SPEG: variants seen among roughly 807,000 people sequenced by gnomAD.
SPEG encodes striated muscle enriched protein kinase, also known as striated muscle preferentially expressed protein kinase.
A neutral mutation model predicts 300.4 loss-of-function variants in SPEG; 114 were observed. The observed-to-expected ratio is 0.38, with a 90% CI of 0.33 to 0.44. The LOEUF (loss-of-function observed/expected upper bound fraction) is 0.44. Ranked by LOEUF, SPEG falls within the 20% of genes least tolerant of loss-of-function variation. The probability of loss-of-function intolerance (pLI) is 1.00; values close to 1 mark genes in which losing one functional copy is unlikely to be tolerated. For missense variants in SPEG, 4,201 were observed against 4,586.2 expected, an observed-to-expected ratio of 0.92 and a Z score of 2.43; for synonymous variants, 1,964 against 2,018.9, an observed-to-expected ratio of 0.97 and a Z score of 0.73.
chr2:219,474,933 C>T (rs1186856048), intron 18 of SPEG, among the ~76,000 whole-genome samples: 1 of 151,678 alleles, frequency 6.6e-6, no homozygotes, highest in East Asian at 1.9e-4. Flanking sequence ...CAGGCTTGCA[C>T]AACCACGCCC....
In SPEG at chr2:219,445,279, T is replaced by C. The variant is rs1689196429; in HGVS notation, c.815+118T>C. 8.0e-6 allele frequency: 8 copies of C among 996,236 alleles called. No homozygotes were observed. The South Asian group carries it at 1.2e-4, about 15-fold the overall frequency. The allele number at this position is 996,236 out of a possible 1,614,324, so 61.7% of individuals were successfully genotyped here. On this transcript the variant is annotated intron_variant, in intron 3 of 40. Coordinates refer to ENST00000312358, the MANE Select transcript of SPEG (RefSeq NM_005876.5). The surrounding 1 kb of genome is among the most constrained non-coding windows in gnomAD (Gnocchi z 6.1). ...CTGCCCCATCCATCTCTCTGTGCAT[T>C]TCTTCACCCCCTGCTGCCACTCCAT...
intron 36 of SPEG, among the ~76,000 whole-genome samples, chr2:219,490,144 G>A (rs995677119): frequency 2.0e-5 from 3 of 152,248 alleles, no homozygotes; most frequent in African/African-American, 7.2e-5. Flanking sequence ...TCACAACTCT[G>A]AGAGACACTG....
At chr2:219,478,224 G>A in intron 22 of SPEG, 119 bp downstream of exon 22, 1 of 832,314 alleles carries the variant, frequency 1.2e-6, no homozygotes, top group Non-Finnish European at 1.9e-6. Context: ...AATTGGGAGG[G>A]ATACATCTGG....
intron 1 of SPEG, among the ~76,000 whole-genome samples, chr2:219,440,370 AGAGT>A (rs1954829091): frequency 6.6e-6 from 1 of 152,108 alleles, no homozygotes; most frequent in Non-Finnish European, 1.5e-5. Context: ...CCTGGACAAC[AGAGT>A]GAGACCTAGT....
chr2:219,480,905 T>G lies in SPEG; in HGVS notation c.5369+208T>G, dbSNP rs1025652275. Among the ~76,000 whole-genome samples, 2 of 151,468 alleles carry G rather than the reference T, an allele frequency of 1.3e-5. No homozygotes were observed. The highest frequency in any genetic ancestry group is 1.3e-4 in the Admixed American group (2 of 15,160). On this transcript the variant is annotated intron_variant, in intron 26 of 40. Coordinates refer to ENST00000312358, the MANE Select transcript of SPEG (RefSeq NM_005876.5). This position sits in a 1 kb window ranked among gnomAD's most constrained non-coding sequence, Gnocchi z 5.3. Reference sequence around the variant, plus strand: ...CTCCATAAGAGGTGGGCACCCTAGATGGAGAGAGCCCAGCGCAGGCTCAGG... The same window carrying G: ...CTCCATAAGAGGTGGGCACCCTAGAGGGAGAGAGCCCAGCGCAGGCTCAGG...
intron 1 of SPEG, among the ~76,000 whole-genome samples, chr2:219,438,750 C>T (rs1341578293): frequency 6.6e-6 from 1 of 152,142 alleles, no homozygotes; most frequent in East Asian, 1.9e-4. Context: ...TAGCTAGGGT[C>T]TGGAAGATTC....
chr2:219,468,273 G>A (rs897707020), intron 10 of SPEG, among the ~76,000 whole-genome samples: 4 of 151,090 alleles, frequency 2.6e-5, no homozygotes, highest in African/African-American at 4.9e-5. Context: ...GCTGGGCTGT[G>A]CTTCATCCAG....
chr2:219,448,751 C>T lies in SPEG; in HGVS notation c.1593C>T (p.Gly531=). The T allele has an allele frequency of 1.4e-6, 2 of 1,469,206 alleles. No homozygotes were observed. Among genetic ancestry groups the T allele is most frequent in the Non-Finnish European group, 9.0e-7 (1 of 1,116,958 alleles). The allele number at this position is 1,469,206 out of a possible 1,614,324, so 91.0% of individuals were successfully genotyped here. Residue 531 remains glycine, a synonymous_variant, in exon 4 of 41, where the codon GGC becomes GGT. Transcript: ENST00000312358. ...LQRAPSPREP[G]EPPLFSRPST... Reference sequence around the variant, plus strand: ...GTGCCCCATCCCCTCGAGAGCCCGGCGAGCCCCCGCTCTTCTCTCGGCCCT... The same window carrying T: ...GTGCCCCATCCCCTCGAGAGCCCGGTGAGCCCCCGCTCTTCTCTCGGCCCT...
intron 37 of SPEG, 22 bp downstream of exon 37, chr2:219,490,670 G>GT: frequency 1.2e-6 from 2 of 1,609,698 alleles, no homozygotes; most frequent in Middle Eastern, 3.3e-4. Flanking sequence ...TTCTAGGGGA[G>GT]TAGGGAGGAA....
rs1354098379 is a variant in SPEG, at chr2:219,448,114, G to A, written c.956G>A (p.Arg319Gln). 2.5e-6 allele frequency: 4 copies of A among 1,601,922 alleles called. No individual in the cohort carries two copies. The highest frequency in any genetic ancestry group is 1.3e-5 in the African/African-American group (1 of 74,572). The change falls in exon 4 of 41, where the codon CGG (arginine) becomes CAG (glutamine). Residue 319 changes from arginine to glutamine, a missense_variant. Around this residue, in one of 4 missense-constraint regions of SPEG, gnomAD observed 1,258 missense variants for 1,293.9 expected, o/e 0.97. Coordinates refer to ENST00000312358, the MANE Select transcript of SPEG (RefSeq NM_005876.5). ...LPPPSPRVGK[R>Q]SPPGPPAQPA... Reference sequence around the variant, plus strand: ...CCACCGTCCCCTCGGGTCGGGAAGCGGTCCCCGCCGGGACCCCCGGCCCAG... The same window carrying A: ...CCACCGTCCCCTCGGGTCGGGAAGCAGTCCCCGCCGGGACCCCCGGCCCAG...
rs763482593 is a variant in SPEG at position 219,484,642 on chromosome 2, G to A, written c.7179G>A (p.Ser2393=). Residue 2393 remains serine (S), a synonymous_variant, in exon 30 of 41, where the codon TCG becomes TCA. Transcript: ENST00000312358. ...ELVRRPERSR[S]VQDLRAVGEP... ...TGCGACGGCCTGAGCGCTCACGCTC[G>A]GTGCAGGACCTCAGGGCTGTCGGAG... 6.5e-7 allele frequency: 1 copy of A among 1,537,112 alleles called. No individual in the cohort carries two copies. The highest frequency in any genetic ancestry group is 1.4e-5 in the African/African-American group (1 of 72,780).
chr2:219,460,350 CG>C (rs1690557435), intron 6 of SPEG: 5 of 985,402 alleles, frequency 5.1e-6, no homozygotes, highest in Non-Finnish European at 6.0e-6. Flanking sequence ...ATTTGAGGCT[CG>C]TTAGCGCATT....
chr2:219,435,175 G>T lies in SPEG; in HGVS notation c.198G>T (p.Val66=). 1 of 1,478,248 alleles carries T rather than the reference G, an allele frequency of 6.8e-7. No homozygotes were observed. Among genetic ancestry groups the T allele is most frequent in the South Asian group, 1.3e-5 (1 of 76,998 alleles). 91.6% of individuals were successfully genotyped at this position (1,478,248 alleles called of 1,614,324 possible). A position where few individuals can be genotyped will look rare whatever the true frequency, so the allele number is the denominator to read the frequency against. ...GCGACGTGCGGCTGCGGGTGGTGGT[G>T]AGCGGGACGCCCCAGCCCAGCCTCC... ...AGSDVRLRVV[V]SGTPQPSLRW... Residue 66 remains valine, a synonymous_variant, in exon 1 of 41, where the codon GTG becomes GTT. Coordinates refer to ENST00000312358, the MANE Select transcript of SPEG (RefSeq NM_005876.5).
Position 219,484,914 on chromosome 2 carries a change from G to A in SPEG, c.7451G>A (p.Ser2484Asn). The A allele has an allele frequency of 2.6e-6, 4 of 1,526,614 alleles. No individual in the cohort carries two copies. Among genetic ancestry groups the A allele is most frequent in the Non-Finnish European group, 3.5e-6 (4 of 1,144,012 alleles). 94.6% of individuals were successfully genotyped at this position (1,526,614 alleles called of 1,614,324 possible). The change falls in exon 30 of 41, where the codon AGC (serine) becomes AAC (asparagine). Residue 2484 changes from serine to asparagine, a missense_variant. By Grantham distance (46) the Ser-to-Asn change is conservative. Around this residue, in one of 4 missense-constraint regions of SPEG, gnomAD observed 1,578 missense variants for 1,506.0 expected, o/e 1.05. Coordinates refer to ENST00000312358, the MANE Select transcript of SPEG (RefSeq NM_005876.5). ...GACTCGGGGGGCGCGTCGGGCCGCA[G>A]CACGCCGCTGTTCGGACGGCTTCGC... ...SEDSGGASGRSTPLFGRLRRA... is the reference protein window; with the variant it reads ...SEDSGGASGRNTPLFGRLRRA...
In SPEG at chr2:219,493,227, C is replaced by G. The variant is rs574493004; in HGVS notation, c.*441C>G. 32 of 366,986 alleles carry G rather than the reference C, an allele frequency of 8.7e-5. No homozygotes were observed. The highest frequency in any genetic ancestry group is 6.2e-4 in the South Asian group (30 of 48,350). The allele number at this position is 366,986 out of a possible 1,614,324, so 22.7% of individuals were successfully genotyped here. A position where few individuals can be genotyped will look rare whatever the true frequency, so the allele number is the denominator to read the frequency against. ...TAGGCTGGGAGTCAGTGTGGCAAAG[C>G]GGGGGCAGGACACAGATACAGTGGC... On this transcript the variant is annotated 3_prime_UTR_variant, in exon 41 of 41. Transcript: ENST00000312358.
chr2:219,459,705 G>A lies in SPEG; in HGVS notation c.2441-2177G>A, dbSNP rs1002628832. On this transcript the variant is annotated intron_variant, in intron 6 of 40. Coordinates refer to ENST00000312358, the MANE Select transcript of SPEG (RefSeq NM_005876.5). The surrounding 1 kb of genome is among the most constrained non-coding windows in gnomAD (Gnocchi z 4.9). Reference sequence around the variant, plus strand: ...CAGCCTGGAGGTGACCCTGGGGCAGGACTCCAGGCTCCATAGAGGGGTAGG... The same window carrying A: ...CAGCCTGGAGGTGACCCTGGGGCAGAACTCCAGGCTCCATAGAGGGGTAGG... 1.3e-5 allele frequency among the ~76,000 whole-genome samples: 2 copies of A among 152,168 alleles called. No homozygotes were observed. Among genetic ancestry groups the A allele is most frequent in the Non-Finnish European group, 2.9e-5 (2 of 68,014 alleles).
At chr2:219,453,337 C>G (rs937157701) in intron 6 of SPEG, among the ~76,000 whole-genome samples, 1 of 152,308 alleles carries the variant, frequency 6.6e-6, no homozygotes, top group Non-Finnish European at 1.5e-5. Flanking sequence ...ATTTGTAAAC[C>G]GGAGATAATG....
chr2:219,483,549 G>A lies in SPEG; in HGVS notation c.6086G>A (p.Gly2029Asp). The A allele has an allele frequency of 7.0e-7, 1 of 1,420,892 alleles. No individual in the cohort carries two copies. Among genetic ancestry groups the A allele is most frequent in the East Asian group, 2.8e-5 (1 of 35,346 alleles). 88.0% of individuals were successfully genotyped at this position (1,420,892 alleles called of 1,614,324 possible). ...CCCCGGGCCGGGCCGCGGGAGCTGGGCCGGGGCCTGCACAAGGCGGCGTCT... is the reference window on the plus strand; with the variant it reads ...CCCCGGGCCGGGCCGCGGGAGCTGGACCGGGGCCTGCACAAGGCGGCGTCT... ...ALPRAGPRELGRGLHKAASVE... is the reference protein window; with the variant it reads ...ALPRAGPRELDRGLHKAASVE... Residue 2029 changes from glycine (G) to aspartate (D), a missense_variant, in exon 30 of 41, where the codon GGC becomes GAC. By Grantham distance (94) the Gly-to-Asp change is moderately conservative (BLOSUM62 -1). Coordinates refer to ENST00000312358, the MANE Select transcript of SPEG (RefSeq NM_005876.5).
intron 10 of SPEG, 147 bp downstream of exon 10, chr2:219,467,581 C>T: frequency 1.1e-6 from 1 of 905,840 alleles, no homozygotes; most frequent in South Asian, 1.7e-5. Flanking sequence ...TTGCCTTGGC[C>T]TCAATAAAAT....
Sources: allele counts gnomAD v4.1 joint callset (sites outside exome capture counted in the v4.1 genomes callset), GRCh38; gene constraint gnomAD v4.1.1; regional missense constraint gnomAD v4.1.1; non-coding constraint Gnocchi (gnomAD v3.1); transcripts MANE v1.5; gene names NCBI Gene and HGNC (gene_info 2026-07-23, HGNC 2026-07-21).